The following GCSAML variants were observed in gnomAD, a reference collection of about 807,000 sequenced individuals.
The protein encoded by GCSAML is germinal center-associated signaling and motility-like protein.
A neutral mutation model predicts 13.0 loss-of-function variants in GCSAML; 9 were observed. The ratio of observed to expected loss-of-function variants is 0.69; its 90% CI spans 0.42 to 1.21. The LOEUF (loss-of-function observed/expected upper bound fraction) is 1.21. GCSAML is among the 50% of genes most tolerant of loss of function. The pLI, the probability that GCSAML is intolerant of heterozygous loss-of-function variation, is 0.00. For missense variants in GCSAML, 143 were observed against 153.4 expected (o/e 0.93, Z 0.36); for synonymous variants, 37 against 52.9 (o/e 0.70, Z 1.31).
chr1:247,548,312 A>G (rs1170658609), upstream of GCSAML, among the ~76,000 whole-genome samples: 2 of 152,170 alleles, frequency 1.3e-5, no homozygotes, highest in Admixed American at 1.3e-4. This position sits in a 1 kb window ranked among gnomAD's most constrained non-coding sequence, Gnocchi z 5.3. Context: ...CACTAGAACC[A>G]GCTTGTGCTT....
At position 247,574,123 on chromosome 1, in the gene GCSAML, T is replaced by C; in HGVS notation, c.169-20T>C. The stretch of plus-strand genomic sequence containing the variant: ...GAATGACCGTGGATCCTTGATTTCT[T>C]TTCTCTTTGTGCTTGGCAGGAAAAC... On this transcript the variant is annotated intron_variant, in intron 4 of 4. Coordinates refer to ENST00000366488, the MANE Select transcript of GCSAML (RefSeq NM_145278.5). The C allele has an allele frequency of 6.2e-7, 1 of 1,613,226 alleles. No homozygotes were observed. Among genetic ancestry groups the C allele is most frequent in the South Asian group, 1.1e-5 (1 of 90,960 alleles).
chr1:247,550,438 C>T (rs1010911179), intron 1 of GCSAML, among the ~76,000 whole-genome samples: 2 of 152,082 alleles, frequency 1.3e-5, no homozygotes, highest in African/African-American at 2.4e-5. Flanking sequence ...GAGATCGAGA[C>T]CATTCTGGCT....
At chr1:247,542,291 A>G (rs986977759) in intron 2 of GCSAML, among the ~76,000 whole-genome samples, 6 of 152,200 alleles carry the variant, frequency 3.9e-5, no homozygotes, top group African/African-American at 4.8e-5. Context: ...TGTCTTTTAA[A>G]AAAAGGAAGA....
At chr1:247,550,493 C>T (rs4925682) in intron 1 of GCSAML, among the ~76,000 whole-genome samples, 151,459 of 152,120 alleles carry the variant, frequency 1, 75,404 homozygotes, top group Middle Eastern at 1. Context: ...AACAATTAGC[C>T]GGGCGTGGTG....
chr1:247,520,017 T>A (rs1666358247), intron 1 of GCSAML, among the ~76,000 whole-genome samples: 1 of 152,224 alleles, frequency 6.6e-6, no homozygotes, highest in South Asian at 2.1e-4. Flanking sequence ...CTTTTGACAT[T>A]TCTGAAGTAG....
At chr1:247,554,263 T>C (rs537246231) in intron 1 of GCSAML, among the ~76,000 whole-genome samples, 40 of 152,280 alleles carry the variant, frequency 2.6e-4, no homozygotes, top group African/African-American at 8.4e-4. Flanking sequence ...ATATTATTCA[T>C]TTTAAGCCAT....
At chr1:247,533,940 C>T (rs1667112717) in intron 2 of GCSAML, 1 of 152,166 alleles carries the variant, frequency 6.6e-6, no homozygotes, top group South Asian at 2.1e-4. Flanking sequence ...CTGCTCAACA[C>T]CCTCATTGTC....
intron 2 of GCSAML, chr1:247,531,431 C>T (rs929105802): frequency 1.3e-5 from 13 of 981,224 alleles, no homozygotes; most frequent in African/African-American, 4.9e-5. Context: ...TTTCAGATTT[C>T]CATCTACCTT....
chr1:247,565,356 TA>T (rs202147937), intron 3 of GCSAML, among the ~76,000 whole-genome samples: 508 of 135,320 alleles, frequency 3.8e-3, no homozygotes, highest in Middle Eastern at 7.6e-3. Flanking sequence ...AGAATCTGTC[TA>T]AAAAAAAAAA....
At position 247,574,275 on chromosome 1, in the gene GCSAML, C is replaced by T. The variant is rs757906878; in HGVS notation, c.301C>T (p.Gln101Ter). 1.2e-6 allele frequency: 2 copies of T among 1,614,084 alleles called. No individual in the cohort carries two copies. Among genetic ancestry groups the T allele is most frequent in the South Asian group, 1.1e-5 (1 of 91,082 alleles). Residue 101 changes from glutamine (Q) to a stop codon, truncating the protein, a stop_gained, in exon 5 of 5, where the codon CAG (glutamine) becomes TAG (stop). Transcript: ENST00000366488. LOFTEE classifies it low-confidence loss of function (END_TRUNC). ...NIDSLTRKVR[Q>*]FRERSETEYA... ...TGACTCCCTCACAAGGAAAGTGAGA[C>T]AGTTTAGAGAAAGGTCAGAGACAGA...
intron 2 of GCSAML, chr1:247,528,420 A>C (rs1471461029): frequency 6.6e-6 from 1 of 152,210 alleles, no homozygotes; most frequent in Non-Finnish European, 1.5e-5. Flanking sequence ...AACATGCATG[A>C]ACCTAGAAGA....
At chr1:247,537,875 T>G (rs961274927) in intron 2 of GCSAML, among the ~76,000 whole-genome samples, 1 of 152,228 alleles carries the variant, frequency 6.6e-6, no homozygotes, top group Non-Finnish European at 1.5e-5. Flanking sequence ...GTTCCTTATA[T>G]ACTCTGAATA....
intron 2 of GCSAML, among the ~76,000 whole-genome samples, chr1:247,536,899 A>G (rs1482696686): frequency 1.3e-5 from 2 of 152,216 alleles, no homozygotes; most frequent in Non-Finnish European, 2.9e-5. Flanking sequence ...TTATTGGTGT[A>G]TACATCAGTG....
chr1:247,560,999 G>T, intron 2 of GCSAML, among the ~76,000 whole-genome samples: 1 of 151,832 alleles, frequency 6.6e-6, no homozygotes, highest in South Asian at 2.1e-4. Context: ...TGTCACTGGG[G>T]CTGGAGTACA....
intron 1 of GCSAML, among the ~76,000 whole-genome samples, chr1:247,551,679 G>T (rs948092756): frequency 6.6e-6 from 1 of 152,134 alleles, no homozygotes; most frequent in Non-Finnish European, 1.5e-5. Flanking sequence ...AGGACAAAAG[G>T]CAAATTTATT....
At chr1:247,531,756 A>C in intron 2 of GCSAML, 1 of 1,614,168 alleles carries the variant, frequency 6.2e-7, no homozygotes, top group Non-Finnish European at 8.5e-7. Flanking sequence ...TGCTCCCGTA[A>C]AACAGAGACA....
chr1:247,508,563 G>A (rs1192867067), intron 1 of GCSAML, among the ~76,000 whole-genome samples: 2 of 152,152 alleles, frequency 1.3e-5, no homozygotes, highest in Admixed American at 6.5e-5. Context: ...TGCTTTTAGT[G>A]TTTTAGTCAT....
At chr1:247,560,072 A>G (rs183655311) in intron 2 of GCSAML, among the ~76,000 whole-genome samples, 207 of 152,328 alleles carry the variant, frequency 1.4e-3, no homozygotes, top group African/African-American at 4.9e-3. Flanking sequence ...CTGTCTGGAC[A>G]TTTCCAGCGG....
intron 2 of GCSAML, chr1:247,531,660 A>T (rs769290000): frequency 6.2e-7 from 1 of 1,614,082 alleles, no homozygotes; most frequent in African/African-American, 1.3e-5. Flanking sequence ...GGTTCAGCGC[A>T]GGAGTGACTA....
Sources: allele counts gnomAD v4.1 joint callset (sites outside exome capture counted in the v4.1 genomes callset), GRCh38; gene constraint gnomAD v4.1.1; non-coding constraint Gnocchi (gnomAD v3.1); transcripts MANE v1.5; gene names NCBI Gene and HGNC (gene_info 2026-07-23, HGNC 2026-07-21).